The following CTTNBP2 variants were observed in gnomAD, a reference collection of about 807,000 sequenced individuals.
The protein encoded by CTTNBP2 is cortactin binding protein 2.
In CTTNBP2, 108 loss-of-function variants were observed where a neutral mutation model predicts 156.9. That is an observed-to-expected ratio of 0.69 (90% CI 0.59 to 0.81). The LOEUF is 0.81. Among genes scored for constraint, CTTNBP2 ranks in the 30% least tolerant of loss-of-function variants. The pLI is 0.00. For synonymous variants in CTTNBP2, 767 were observed against 751.8 expected, an observed-to-expected ratio of 1.02 and a Z score of -0.33; for missense variants, 1,924 against 2,035.4, an observed-to-expected ratio of 0.95 and a Z score of 1.05.
At chr7:117,850,131 A>ATT (rs111767905) in intron 2 of CTTNBP2, among the ~76,000 whole-genome samples, 2,710 of 152,206 alleles carry the variant, frequency 0.018, 52 homozygotes, top group Admixed American at 0.059. Context: ...ATTCTTCAAC[A>ATT]TTTCTCCCCT....
intron 2 of CTTNBP2, among the ~76,000 whole-genome samples, chr7:117,823,851 TG>T (rs1192622208): frequency 3.3e-5 from 5 of 151,954 alleles, no homozygotes; most frequent in Non-Finnish European, 7.4e-5. Flanking sequence ...GCACCACTAC[TG>T]GCTAATTTTT....
intron 2 of CTTNBP2, among the ~76,000 whole-genome samples, chr7:117,831,333 T>C (rs1049743668): frequency 4.6e-5 from 7 of 152,152 alleles, no homozygotes; most frequent in African/African-American, 1.7e-4. Context: ...CAAGCACTTT[T>C]TCTCTCCATC....
At chr7:117,728,593 G>A (rs182912175) in intron 16 of CTTNBP2, among the ~76,000 whole-genome samples, 2 of 152,136 alleles carry the variant, frequency 1.3e-5, no homozygotes, top group Admixed American at 1.3e-4. Flanking sequence ...GCCAGGGCTA[G>A]AGTCTATTTA....
chr7:117,871,875 C>CACA, intron 1 of CTTNBP2: 1 of 903,674 alleles, frequency 1.1e-6, no homozygotes, highest in Non-Finnish European at 1.3e-6. Context: ...CACACACACA[C>CACA]CCTCTTTCTT....
intron 1 of CTTNBP2, chr7:117,871,844 T>TCACAGACACACACACACACACA (rs1804621269): frequency 3.4e-6 from 1 of 298,196 alleles, no homozygotes; most frequent in Admixed American, 8.8e-5. Context: ...TCCTTCCCCT[T>TCACAGACACACACACACACACA]CACACACACA....
chr7:117,819,322 G>A (rs945072913), intron 2 of CTTNBP2, among the ~76,000 whole-genome samples: 1 of 151,030 alleles, frequency 6.6e-6, no homozygotes, highest in African/African-American at 2.4e-5. Flanking sequence ...AGAGGAGTGA[G>A]TTTACACATT....
At chr7:117,776,849 T>G (rs1798129715) in intron 8 of CTTNBP2, among the ~76,000 whole-genome samples, 1 of 152,250 alleles carries the variant, frequency 6.6e-6, no homozygotes, top group African/African-American at 2.4e-5. Flanking sequence ...GCCATTGAAC[T>G]AGGAGCTAAT....
intron 4 of CTTNBP2, among the ~76,000 whole-genome samples, chr7:117,788,532 G>A (rs1258031982): frequency 6.6e-6 from 1 of 152,214 alleles, no homozygotes; most frequent in Non-Finnish European, 1.5e-5. Flanking sequence ...ATGACCTGGA[G>A]AGGCACAAGC....
intron 3 of CTTNBP2, chr7:117,793,424 C>G (rs1799146000): frequency 6.6e-6 from 1 of 152,296 alleles, no homozygotes; most frequent in Admixed American, 6.5e-5. Context: ...TTGTCTCCTA[C>G]TTTGATCCTG....
intron 2 of CTTNBP2, among the ~76,000 whole-genome samples, chr7:117,851,863 CT>C (rs1222052503): frequency 1.3e-5 from 2 of 152,128 alleles, no homozygotes; most frequent in African/African-American, 2.4e-5. Context: ...GCCCAATACA[CT>C]TTTGAGACTT....
chr7:117,773,182 T>C (rs558671872), intron 8 of CTTNBP2, among the ~76,000 whole-genome samples: 15 of 152,302 alleles, frequency 9.8e-5, no homozygotes, highest in African/African-American at 3.6e-4. Context: ...CCCAACTCCA[T>C]GCGACAACGA....
At chr7:117,873,001 T>A (rs1307747604) in intron 1 of CTTNBP2, among the ~76,000 whole-genome samples, 1 of 151,826 alleles carries the variant, frequency 6.6e-6, no homozygotes, top group Admixed American at 6.6e-5. Context: ...CCCAGCCTTC[T>A]CCCCCGGCCA....
intron 16 of CTTNBP2, among the ~76,000 whole-genome samples, chr7:117,731,120 G>C (rs1370570365): frequency 6.6e-6 from 1 of 152,158 alleles, no homozygotes; most frequent in African/African-American, 2.4e-5. Flanking sequence ...GGTTTTACAA[G>C]AGTTAGTTAA....
In CTTNBP2 at chr7:117,711,408, T is replaced by A; in HGVS notation, c.*129A>T. The A allele has an allele frequency of 3.1e-6, 3 of 977,582 alleles. No individual in the cohort carries two copies. The highest frequency in any genetic ancestry group is 5.3e-5 in the East Asian group (2 of 37,518). The allele number at this position is 977,582 out of a possible 1,614,324, so 60.6% of individuals were successfully genotyped here. A position where few individuals can be genotyped will look rare whatever the true frequency, so the allele number is the denominator to read the frequency against. On this transcript the variant is annotated 3_prime_UTR_variant, in exon 23 of 23. Transcript: ENST00000160373. Reference sequence around the variant, plus strand: ...ACATTCTTTACAAAAAAAAATTGAATAGTGGTCCCGCACTCATAATTTATA... The same window carrying A: ...ACATTCTTTACAAAAAAAAATTGAAAAGTGGTCCCGCACTCATAATTTATA...
At chr7:117,855,222 T>C (rs1477507982) in intron 2 of CTTNBP2, among the ~76,000 whole-genome samples, 1 of 152,060 alleles carries the variant, frequency 6.6e-6, no homozygotes, top group Non-Finnish European at 1.5e-5. Context: ...CTGTTTGCAT[T>C]AATAGCCATA....
intron 2 of CTTNBP2, among the ~76,000 whole-genome samples, chr7:117,815,220 T>C (rs970020679): frequency 6.6e-6 from 1 of 152,212 alleles, no homozygotes; most frequent in African/African-American, 2.4e-5. Flanking sequence ...TACAGTTTTC[T>C]ATCAAGCTTA....
At chr7:117,758,346 G>A (rs1375892648) in intron 10 of CTTNBP2, among the ~76,000 whole-genome samples, 1 of 151,994 alleles carries the variant, frequency 6.6e-6, no homozygotes, top group Non-Finnish European at 1.5e-5. Context: ...GAGCACTTTG[G>A]GTGAGATATG....
chr7:117,721,783 A>G (rs1435811042), intron 19 of CTTNBP2, among the ~76,000 whole-genome samples: 1 of 152,230 alleles, frequency 6.6e-6, no homozygotes, highest in Non-Finnish European at 1.5e-5. Context: ...GATGCATATC[A>G]GTTATATATA....
At position 117,735,314 on chromosome 7, in the gene CTTNBP2, G is replaced by GGATTT; in HGVS notation, c.3642_3643insAAATC (p.Pro1215LysfsTer33). ...CTTTCAGTGCTGCGATTTTCAAGAG[G>GGATTT]TGCCAAAAAGTCCCTCAATAACTCC... is the stretch of plus-strand genomic sequence containing the variant. On this transcript the variant is annotated frameshift_variant, in exon 15 of 23. Transcript: ENST00000160373. LOFTEE classifies it high-confidence loss of function. 6.2e-7 allele frequency: 1 copy of GGATTT among 1,614,040 alleles called. No individual in the cohort carries two copies. Among genetic ancestry groups the GGATTT allele is most frequent in the Non-Finnish European group, 8.5e-7 (1 of 1,179,994 alleles).
Sources: gnomAD v4.1 joint callset for allele counts (sites outside exome capture counted in the v4.1 genomes callset) on GRCh38, gnomAD v4.1.1 for gene constraint, MANE v1.5 for transcripts, NCBI Gene and HGNC (gene_info 2026-07-23, HGNC 2026-07-21) for gene names.